Variants in KYNU observed in about 807,000 individuals in gnomAD.
KYNU encodes the protein L-kynurenine hydrolase.
In KYNU, 54 loss-of-function variants were observed where a neutral mutation model predicts 59.2. The ratio of observed to expected loss-of-function variants is 0.91; its 90% CI spans 0.73 to 1.14. The LOEUF is 1.14. Among genes scored for constraint, KYNU ranks in the 50% most tolerant of loss-of-function variants. The pLI, the probability that KYNU is intolerant of heterozygous loss-of-function variation, is 0.00. For missense variants in KYNU, 567 were observed against 554.4 expected, an observed-to-expected ratio of 1.02 and a Z score of -0.23; for synonymous variants, 177 against 192.0, an observed-to-expected ratio of 0.92 and a Z score of 0.65.
At chr2:142,985,527 T>G (rs1481797382) in intron 9 of KYNU, among the ~76,000 whole-genome samples, 1 of 151,886 alleles carries the variant, frequency 6.6e-6, no homozygotes, top group Non-Finnish European at 1.5e-5. Flanking sequence ...AGATAATATT[T>G]AGAGAATCAA....
chr2:142,956,259 C>T lies in KYNU; in HGVS notation c.492C>T (p.Ala164=), dbSNP rs775893209. Residue 164 remains alanine, a synonymous_variant, in exon 6 of 14, where the codon GCC becomes GCT. Transcript: ENST00000264170. ...ATAAAATTCTTCTAGAAGCCAAAGC[C>T]TTCCCTTCTGATCATGTAAGGACTT... The part of the protein sequence containing the change: ...KRYKILLEAK[A]FPSDHYAIES... The T allele has an allele frequency of 1.3e-6, 2 of 1,599,710 alleles. No homozygotes were observed. Among genetic ancestry groups the T allele is most frequent in the Non-Finnish European group, 1.7e-6 (2 of 1,167,532 alleles).
chr2:142,984,679 T>A (rs1283214603), intron 8 of KYNU, among the ~76,000 whole-genome samples: 2 of 152,038 alleles, frequency 1.3e-5, no homozygotes, highest in Non-Finnish European at 2.9e-5. Context: ...TGAAAATTGA[T>A]CATTTTTACA....
intron 12 of KYNU, among the ~76,000 whole-genome samples, chr2:143,039,874 T>G (rs1341740196): frequency 1.3e-5 from 2 of 152,096 alleles, no homozygotes; most frequent in Non-Finnish European, 2.9e-5. Flanking sequence ...AGGAGTTCCT[T>G]TAGACCTTCA....
In KYNU at chr2:142,884,514, G is replaced by A. The variant is rs527734018; in HGVS notation, c.-19-835G>A. On this transcript the variant is annotated intron_variant, in intron 1 of 13. Transcript: ENST00000264170. Reference sequence around the variant, plus strand: ...CCATTATCTCCTCATAAGATACCTAGAGGAAAAGGTGATGACATTATATAT... The same window carrying A: ...CCATTATCTCCTCATAAGATACCTAAAGGAAAAGGTGATGACATTATATAT... 2.7e-4 allele frequency among the ~76,000 whole-genome samples: 41 copies of A among 152,124 alleles called. 1 individual carries two copies. In the East Asian group the frequency reaches 4.3e-3, roughly 16 times the overall value.
intron 10 of KYNU, among the ~76,000 whole-genome samples, chr2:143,011,349 A>T (rs1393874411): frequency 2.4e-5 from 3 of 125,910 alleles, no homozygotes; most frequent in African/African-American, 3.4e-5. Context: ...AATGCAAATC[A>T]AAACCACAAT....
At chr2:142,962,045 C>T (rs1217468627) in intron 8 of KYNU, among the ~76,000 whole-genome samples, 1 of 152,084 alleles carries the variant, frequency 6.6e-6, no homozygotes, top group Non-Finnish European at 1.5e-5. Flanking sequence ...TGGTGCATTA[C>T]AAAAGATATA....
In KYNU at chr2:143,029,654, C is replaced by A; in HGVS notation, c.930C>A (p.Leu310=). 6.3e-7 allele frequency: 1 copy of A among 1,594,774 alleles called. No homozygotes were observed. Among genetic ancestry groups the A allele is most frequent in the Non-Finnish European group, 8.6e-7 (1 of 1,162,392 alleles). The change falls in exon 11 of 14, where the codon CTC becomes CTA. Residue 310 remains leucine (L), a synonymous_variant. Coordinates refer to ENST00000264170, the MANE Select transcript of KYNU (RefSeq NM_003937.3). ...TAGTGGGATGGTTTGGCCATGAACT[C>A]AGCACCAGATTTAAGATGGATAACA... ...PALVGWFGHE[L]STRFKMDNKL...
chr2:142,902,033 C>CGA (rs1682112746), intron 2 of KYNU, among the ~76,000 whole-genome samples: 2 of 152,142 alleles, frequency 1.3e-5, no homozygotes, highest in Non-Finnish European at 2.9e-5. Flanking sequence ...TTAATAGAGC[C>CGA]TGATATTTAA....
chr2:142,926,639 A>G (rs1196003780), intron 3 of KYNU, among the ~76,000 whole-genome samples: 2 of 152,190 alleles, frequency 1.3e-5, no homozygotes, highest in African/African-American at 4.8e-5. Context: ...CGTAGATCGC[A>G]TCTTATGGTA....
chr2:143,019,818 T>C (rs1233010598), intron 10 of KYNU, among the ~76,000 whole-genome samples: 1 of 152,066 alleles, frequency 6.6e-6, no homozygotes, highest in East Asian at 1.9e-4. Flanking sequence ...CTTTTTATTA[T>C]TGCTTCAATC....
At chr2:142,881,592 C>T (rs553420043) in intron 1 of KYNU, among the ~76,000 whole-genome samples, 8 of 152,164 alleles carry the variant, frequency 5.3e-5, no homozygotes, top group African/African-American at 1.7e-4. Context: ...GTTTGGGCCC[C>T]CAGAAGTTCT....
At chr2:142,881,095 T>C (rs933301634) in intron 1 of KYNU, among the ~76,000 whole-genome samples, 2 of 152,318 alleles carry the variant, frequency 1.3e-5, no homozygotes, top group South Asian at 4.1e-4. Flanking sequence ...TCTTTGAAGG[T>C]TGGCTAGAAT....
chr2:142,902,349 G>A (rs1226013209), intron 2 of KYNU, among the ~76,000 whole-genome samples: 1 of 152,172 alleles, frequency 6.6e-6, no homozygotes, highest in Non-Finnish European at 1.5e-5. Flanking sequence ...TTAACACTGA[G>A]TCTTGGGTTA....
intron 10 of KYNU, among the ~76,000 whole-genome samples, chr2:142,995,562 A>G (rs867133979): frequency 4.6e-5 from 7 of 152,086 alleles, no homozygotes; most frequent in South Asian, 2.1e-4. Flanking sequence ...ATTGATAGAG[A>G]TCTTTTTAAA....
chr2:142,962,902 G>A (rs1411708439), intron 8 of KYNU, among the ~76,000 whole-genome samples: 5 of 152,128 alleles, frequency 3.3e-5, no homozygotes, highest in Admixed American at 6.6e-5. Context: ...GAATAAAACT[G>A]AAGAGAGAGG....
chr2:142,954,494 G>A (rs1343755981), intron 4 of KYNU, among the ~76,000 whole-genome samples: 2 of 152,012 alleles, frequency 1.3e-5, no homozygotes, highest in Non-Finnish European at 2.9e-5. Flanking sequence ...TATGCTCCTT[G>A]GGAATTTGAC....
intron 10 of KYNU, among the ~76,000 whole-genome samples, chr2:142,996,992 C>T (rs74615027): frequency 0.021 from 3,223 of 152,186 alleles, 116 homozygotes; most frequent in African/African-American, 0.067. Context: ...TGAGCATCAC[C>T]GGCTATATCA....
intron 1 of KYNU, among the ~76,000 whole-genome samples, chr2:142,882,498 G>T (rs1213972551): frequency 6.6e-6 from 1 of 152,034 alleles, no homozygotes; most frequent in African/African-American, 2.4e-5. Flanking sequence ...CTCCACGACA[G>T]GCTCCGGTGT....
intron 4 of KYNU, among the ~76,000 whole-genome samples, chr2:142,935,961 G>A (rs954697498): frequency 2.6e-5 from 4 of 152,132 alleles, no homozygotes; most frequent in Non-Finnish European, 1.5e-5. Flanking sequence ...GAAAAGAAGT[G>A]GATACAGCTG....
Sources: allele counts gnomAD v4.1 joint callset (sites outside exome capture counted in the v4.1 genomes callset), GRCh38; gene constraint gnomAD v4.1.1; transcripts MANE v1.5; gene names NCBI Gene and HGNC (gene_info 2026-07-23, HGNC 2026-07-21).